The following SALL3 variants were observed in gnomAD, a reference collection of about 807,000 sequenced individuals.
SALL3 encodes sal-like protein 3.
A neutral mutation model predicts 66.2 loss-of-function variants in SALL3; 25 were observed. The observed-to-expected ratio is 0.38, with a 90% CI of 0.28 to 0.53. The LOEUF (loss-of-function observed/expected upper bound fraction) is 0.53. SALL3 is among the 20% of genes least tolerant of loss of function. The pLI is 0.85. For missense variants in SALL3, 2,194 were observed against 1,916.5 expected, an observed-to-expected ratio of 1.14 and a Z score of -2.70; for synonymous variants, 1,152 against 899.1, an observed-to-expected ratio of 1.28 and a Z score of -5.03.
intron 1 of SALL3, among the ~76,000 whole-genome samples, chr18:78,988,658 G>A (rs1285028236): frequency 2.0e-5 from 3 of 151,984 alleles, no homozygotes; most frequent in East Asian, 1.9e-4. Flanking sequence ...TCTTTTATTC[G>A]GGGCTATGTT....
rs1259069095 is a variant in SALL3 at position 78,993,038 on chromosome 18, G to A, written c.1047G>A (p.Gly349=). 7.2e-5 allele frequency: 113 copies of A among 1,576,104 alleles called. No individual in the cohort carries two copies. Among genetic ancestry groups the A allele is most frequent in the Non-Finnish European group, 9.4e-5 (110 of 1,168,390 alleles). ...CCACGCCGCCTGCCCTGGCCCCGGG[G>A]TCCCTGCTGGGTGCGGCGCCCGGCC... ...SASTPPALAP[G]SLLGAAPGLP... is the part of the protein sequence containing the mutation. The change falls in exon 2 of 3, where the codon GGG becomes GGA. Residue 349 remains glycine (G), a synonymous_variant. Transcript: ENST00000537592.
chr18:78,992,723 C>A lies in SALL3; in HGVS notation c.732C>A (p.Pro244=), dbSNP rs1490184160. 2 of 1,416,308 alleles carry A rather than the reference C, an allele frequency of 1.4e-6. No homozygotes were observed. Among genetic ancestry groups the A allele is most frequent in the East Asian group, 3.4e-5 (1 of 29,490 alleles). The allele number at this position is 1,416,308 out of a possible 1,614,324, so 87.7% of individuals were successfully genotyped here. A position where few individuals can be genotyped will look rare whatever the true frequency, so the allele number is the denominator to read the frequency against. The change falls in exon 2 of 3, where the codon CCC becomes CCA. Residue 244 remains proline (P), a synonymous_variant. Coordinates refer to ENST00000537592, the MANE Select transcript of SALL3 (RefSeq NM_171999.4). ...CGCCGCCGCGGCCCTCACTCAGCCC[C>A]GCGGCCGCCCCGAGCGCACCGGGCC... ...QRPPPRPSLS[P]AAAPSAPGPA...
chr18:78,985,705 C>T (rs915078416), intron 1 of SALL3, among the ~76,000 whole-genome samples: 3 of 152,156 alleles, frequency 2.0e-5, no homozygotes, highest in African/African-American at 7.2e-5. Flanking sequence ...TCATGTGCCC[C>T]TCTAGAGCTA....
chr18:78,986,326 G>A (rs1914244814), intron 1 of SALL3, among the ~76,000 whole-genome samples: 1 of 152,248 alleles, frequency 6.6e-6, no homozygotes, highest in Admixed American at 6.5e-5. Context: ...GCGGGAGTGT[G>A]TGGTCAGAGC....
At position 78,993,145 on chromosome 18, in the gene SALL3, A is replaced by G; in HGVS notation, c.1154A>G (p.Asn385Ser). ...NPLVSIAATA[N>S]ALDPLSALMK... ...CTGGTCAGCATCGCGGCCACGGCCAACGCTCTGGACCCGCTGTCCGCGCTC... is the reference window on the plus strand; with the variant it reads ...CTGGTCAGCATCGCGGCCACGGCCAGCGCTCTGGACCCGCTGTCCGCGCTC... The change falls in exon 2 of 3, where the codon AAC (asparagine) becomes AGC (serine). Residue 385 changes from asparagine to serine, a missense_variant. Transcript: ENST00000537592. 6.2e-6 allele frequency: 10 copies of G among 1,606,282 alleles called. No individual in the cohort carries two copies. Among genetic ancestry groups the G allele is most frequent in the Non-Finnish European group, 7.6e-6 (9 of 1,177,676 alleles).
At position 78,994,423 on chromosome 18, in the gene SALL3, T is replaced by C; in HGVS notation, c.2432T>C (p.Leu811Pro). The C allele has an allele frequency of 6.2e-7, 1 of 1,612,636 alleles. No homozygotes were observed. Among genetic ancestry groups the C allele is most frequent in the Non-Finnish European group, 8.5e-7 (1 of 1,179,924 alleles). The change falls in exon 2 of 3, where the codon CTG becomes CCG. Residue 811 changes from leucine to proline, a missense_variant. Physicochemically the swap from Leu to Pro is moderately conservative, Grantham distance 98. Coordinates refer to ENST00000537592, the MANE Select transcript of SALL3 (RefSeq NM_171999.4). ...AACTCCATGGAGGACGACGCTGAGC[T>C]GAAGGACGCGGCCACCGACCCGGCC... ...DENSMEDDAE[L>P]KDAATDPAKP...
rs1226060042 is a variant in SALL3, at chr18:78,996,955, A to G, written c.3536A>G (p.Glu1179Gly). 1 of 1,613,720 alleles carries G rather than the reference A, an allele frequency of 6.2e-7. No homozygotes were observed. The highest frequency in any genetic ancestry group is 1.1e-5 in the South Asian group (1 of 91,086). Residue 1179 changes from glutamate (E) to glycine (G), a missense_variant, in exon 3 of 3, where the codon GAG becomes GGG. By Grantham distance (98) the Glu-to-Gly change is moderately conservative. Transcript: ENST00000537592. ...AGACGCGGCCGCCGCCTGTCTGTGG[A>G]GAACCCCATGGCTCTCCTAGGGGGT... ...PARRGRRLSV[E>G]NPMALLGGDA...
In SALL3 at chr18:78,998,775, G is replaced by T. The variant is rs1249143267; in HGVS notation, c.*1453G>T. ...TCCTGATTTATTTATTATCTTCTCA[G>T]ATGAAAGCAAAGCACAGTGTCCTCT... On this transcript the variant is annotated 3_prime_UTR_variant, in exon 3 of 3. Coordinates refer to ENST00000537592, the MANE Select transcript of SALL3 (RefSeq NM_171999.4). 1 of 152,238 alleles carries T rather than the reference G, an allele frequency of 6.6e-6. No homozygotes were observed. Among genetic ancestry groups the T allele is most frequent in the Non-Finnish European group, 1.5e-5 (1 of 68,054 alleles). 9.4% of individuals were successfully genotyped at this position (152,238 alleles called of 1,614,324 possible).
intron 1 of SALL3, among the ~76,000 whole-genome samples, chr18:78,981,034 G>A (rs1465391763): frequency 6.6e-6 from 1 of 152,168 alleles, no homozygotes; most frequent in African/African-American, 2.4e-5. Context: ...GCGTCTGCGC[G>A]GGCCTTTTCT....
In SALL3 at chr18:78,994,349, C is replaced by T. The variant is rs1023187250; in HGVS notation, c.2358C>T (p.Asp786=). 11 of 1,613,434 alleles carry T rather than the reference C, an allele frequency of 6.8e-6. No individual in the cohort carries two copies. Among genetic ancestry groups the T allele is most frequent in the Middle Eastern group, 3.3e-4 (2 of 6,084 alleles). ...QDAMDSELAY[D]DKNAETLSSY... ...CCATGGACTCCGAGCTGGCCTACGA[C>T]GACAAGAACGCGGAGACCCTGAGCA... The change falls in exon 2 of 3, where the codon GAC becomes GAT. Residue 786 remains aspartate, a synonymous_variant. Coordinates refer to ENST00000537592, the MANE Select transcript of SALL3 (RefSeq NM_171999.4).
Position 78,992,983 on chromosome 18 carries a change from G to A in SALL3, c.992G>A (p.Ser331Asn), listed in dbSNP as rs775312028. Reference sequence around the variant, plus strand: ...CCCGCCCCGGCGCCAGCGCCGCAGAGCGCAGCCTCGTCGCAGCCGCAGAGC... The same window carrying A: ...CCCGCCCCGGCGCCAGCGCCGCAGAACGCAGCCTCGTCGCAGCCGCAGAGC... ...AAPAPAPAPQ[S>N]AASSQPQSAS... is the part of the protein sequence containing the mutation. Residue 331 changes from serine (S) to asparagine (N), a missense_variant, in exon 2 of 3, where the codon AGC (serine) becomes AAC (asparagine). Transcript: ENST00000537592. 38 of 1,433,390 alleles carry A rather than the reference G, an allele frequency of 2.7e-5. No homozygotes were observed. The Admixed American group carries it at 7.3e-4, about 28-fold the overall frequency. 88.8% of individuals were successfully genotyped at this position (1,433,390 alleles called of 1,614,324 possible). A position where few individuals can be genotyped will look rare whatever the true frequency, so the allele number is the denominator to read the frequency against.
rs1484964810 is a variant in SALL3 at position 78,997,870 on chromosome 18, A to T, written c.*548A>T. 2 of 141,356 alleles carry T rather than the reference A, an allele frequency of 1.4e-5. No individual in the cohort carries two copies. Among genetic ancestry groups the T allele is most frequent in the Admixed American group, 7.7e-5 (1 of 12,984 alleles). 8.8% of individuals were successfully genotyped at this position (141,356 alleles called of 1,614,324 possible). ...CTTAAACGAAGCTTTTGTACTGCAG[A>T]ATACATCTGGCTGTGTGATTTTTTT... On this transcript the variant is annotated 3_prime_UTR_variant, in exon 3 of 3. Coordinates refer to ENST00000537592, the MANE Select transcript of SALL3 (RefSeq NM_171999.4).
At position 78,994,999 on chromosome 18, in the gene SALL3, G is replaced by A. The variant is rs1413367730; in HGVS notation, c.3008G>A (p.Arg1003Gln). 6.2e-7 allele frequency: 1 copy of A among 1,613,760 alleles called. No individual in the cohort carries two copies. The highest frequency in any genetic ancestry group is 1.7e-5 in the Admixed American group (1 of 60,010). ...EIHYRSHTKE[R>Q]PFVCALCRRG... ...CACTACCGCAGCCATACTAAGGAGC[G>A]GCCATTCGTCTGCGCGCTCTGCAGG... The change falls in exon 2 of 3, where the codon CGG becomes CAG. Residue 1003 changes from arginine to glutamine, a missense_variant. Arg to Gln is a conservative substitution (Grantham distance 43, BLOSUM62 1). Transcript: ENST00000537592.
At chr18:78,982,158 A>G (rs759695626) in intron 1 of SALL3, among the ~76,000 whole-genome samples, 6 of 152,264 alleles carry the variant, frequency 3.9e-5, no homozygotes, top group Non-Finnish European at 8.8e-5. Flanking sequence ...AAATGTGAGC[A>G]TGCTGAACTT....
At chr18:78,984,045 C>T (rs1275525700) in intron 1 of SALL3, among the ~76,000 whole-genome samples, 2 of 152,146 alleles carry the variant, frequency 1.3e-5, no homozygotes, top group Non-Finnish European at 2.9e-5. Flanking sequence ...TATGCATTAT[C>T]CAATATTTTT....
chr18:78,992,951 C>G lies in SALL3; in HGVS notation c.960C>G (p.Pro320=), dbSNP rs900756915. 1 of 1,127,946 alleles carries G rather than the reference C, an allele frequency of 8.9e-7. No homozygotes were observed. Among genetic ancestry groups the G allele is most frequent in the African/African-American group, 1.7e-5 (1 of 60,008 alleles). The allele number at this position is 1,127,946 out of a possible 1,614,324, so 69.9% of individuals were successfully genotyped here. A position where few individuals can be genotyped will look rare whatever the true frequency, so the allele number is the denominator to read the frequency against. ...APAAPSAAPA[P]AAPAPAPAPQ... is the part of the protein sequence containing the mutation. Reference sequence around the variant, plus strand: ...CCGCCCCCAGCGCCGCCCCTGCCCCCGCTGCCCCCGCCCCGGCGCCAGCGC... The same window carrying G: ...CCGCCCCCAGCGCCGCCCCTGCCCCGGCTGCCCCCGCCCCGGCGCCAGCGC... Residue 320 remains proline (P), a synonymous_variant, in exon 2 of 3, where the codon CCC becomes CCG. Transcript: ENST00000537592.
chr18:78,993,834 G>C lies in SALL3; in HGVS notation c.1843G>C (p.Ala615Pro). ...CAGGGCCGGGGACGCTCCCGTGGGCGCGCAGGCTAGCGCTGCACCCACATC... is the reference window on the plus strand; with the variant it reads ...CAGGGCCGGGGACGCTCCCGTGGGCCCGCAGGCTAGCGCTGCACCCACATC... Reference protein sequence around the residue: ...NARAGDAPVGAQASAAPTSVD... With the variant: ...NARAGDAPVGPQASAAPTSVD... The change falls in exon 2 of 3, where the codon GCG becomes CCG. Residue 615 changes from alanine to proline, a missense_variant. Transcript: ENST00000537592. 2 of 1,549,036 alleles carry C rather than the reference G, an allele frequency of 1.3e-6. No individual in the cohort carries two copies. Among genetic ancestry groups the C allele is most frequent in the Non-Finnish European group, 1.7e-6 (2 of 1,149,486 alleles).
At position 78,995,437 on chromosome 18, in the gene SALL3, C is replaced by T; in HGVS notation, c.3446C>T (p.Ala1149Val). The T allele has an allele frequency of 6.3e-7, 1 of 1,580,324 alleles. No individual in the cohort carries two copies. The highest frequency in any genetic ancestry group is 8.5e-7 in the Non-Finnish European group (1 of 1,171,096). ...KPFGCTICGR[A>V]FTTKGNLKVH... is the part of the protein sequence containing the mutation. ...TTCGGCTGCACCATCTGCGGCCGGG[C>T]CTTCACCACTAAGGGCAACCTCAAG... Residue 1149 changes from alanine (A) to valine (V), a missense_variant, in exon 2 of 3, where the codon GCC becomes GTC. By Grantham distance (64) the Ala-to-Val change is moderately conservative. Transcript: ENST00000537592.
rs1286296734 is a variant in SALL3 at position 78,992,485 on chromosome 18, A to C, written c.494A>C (p.Asn165Thr). The C allele has an allele frequency of 2.0e-6, 3 of 1,463,670 alleles. No individual in the cohort carries two copies. Among genetic ancestry groups the C allele is most frequent in the African/African-American group, 3.0e-5 (2 of 67,048 alleles). 90.7% of individuals were successfully genotyped at this position (1,463,670 alleles called of 1,614,324 possible). ...CCCGCCTACGGCGCGCCCAGCACCA[A>C]CGTGACCCTGGAGGCGCTGCTGAGC... The part of the protein sequence containing the change: ...PTPAYGAPST[N>T]VTLEALLSTK... The change falls in exon 2 of 3, where the codon AAC becomes ACC. Residue 165 changes from asparagine (N) to threonine (T), a missense_variant. Transcript: ENST00000537592.
Sources: gnomAD v4.1 joint callset for allele counts (sites outside exome capture counted in the v4.1 genomes callset) on GRCh38, gnomAD v4.1.1 for gene constraint, MANE v1.5 for transcripts, NCBI Gene and HGNC (gene_info 2026-07-23, HGNC 2026-07-21) for gene names.